Variants in SUMF1 observed in about 807,000 individuals in gnomAD.
SUMF1 encodes the protein formylglycine-generating enzyme.
In SUMF1, 48 loss-of-function variants were observed where a neutral mutation model predicts 47.6. That is an observed-to-expected ratio of 1.01 (90% confidence interval 0.80 to 1.28). The LOEUF (loss-of-function observed/expected upper bound fraction) is 1.28. SUMF1 is among the 50% of genes most tolerant of loss of function. The pLI, the probability that SUMF1 is intolerant of heterozygous loss-of-function variation, is 0.00. For missense variants in SUMF1, 571 were observed against 485.4 expected, an observed-to-expected ratio of 1.18 and a Z score of -1.66; for synonymous variants, 230 against 192.1, an observed-to-expected ratio of 1.20 and a Z score of -1.63.
At chr3:4,253,606 G>C (rs535674725) in intron 8 of SUMF1, among the ~76,000 whole-genome samples, 2 of 151,776 alleles carry the variant, frequency 1.3e-5, no homozygotes, top group Admixed American at 6.5e-5. Flanking sequence ...GGCTCAGAGG[G>C]TCCTACGCCC....
intron 8 of SUMF1, among the ~76,000 whole-genome samples, chr3:4,204,089 A>G (rs1404537953): frequency 3.3e-5 from 5 of 152,038 alleles, no homozygotes; most frequent in African/African-American, 1.2e-4. Context: ...TTGTGCCTTC[A>G]GATGATTTCT....
intron 1 of SUMF1, among the ~76,000 whole-genome samples, chr3:4,458,766 G>A (rs2079732984): frequency 1.3e-5 from 2 of 152,138 alleles, no homozygotes; most frequent in Admixed American, 1.3e-4. Context: ...TGAGGCAGGA[G>A]AATGGCGTGA....
intron 8 of SUMF1, among the ~76,000 whole-genome samples, chr3:4,366,216 A>G (rs1247426100): frequency 6.6e-6 from 1 of 151,736 alleles, no homozygotes; most frequent in Non-Finnish European, 1.5e-5. Context: ...CTTCTCGAGG[A>G]GTATCTTTGT....
chr3:4,052,146 G>C (rs1695123633), intron 9 of SUMF1, among the ~76,000 whole-genome samples: 1 of 152,084 alleles, frequency 6.6e-6, no homozygotes, highest in East Asian at 1.9e-4. Flanking sequence ...TATCTGGTAA[G>C]AGCCTGTTTC....
intron 8 of SUMF1, among the ~76,000 whole-genome samples, chr3:4,138,248 C>A (rs1246583934): frequency 6.6e-6 from 1 of 152,068 alleles, no homozygotes; most frequent in African/African-American, 2.4e-5. Context: ...CAACATAAAT[C>A]CTATCGAACT....
intron 8 of SUMF1, among the ~76,000 whole-genome samples, chr3:4,211,195 C>CATATAT (rs1244951771): frequency 1.7e-5 from 1 of 57,548 alleles, no homozygotes; most frequent in African/African-American, 7.0e-5. Flanking sequence ...TATACATATA[C>CATATAT]ATACATACAT....
intron 8 of SUMF1, among the ~76,000 whole-genome samples, chr3:4,176,883 G>C (rs1216966384): frequency 6.6e-6 from 1 of 152,158 alleles, no homozygotes; most frequent in Non-Finnish European, 1.5e-5. Flanking sequence ...AGCAGGGGTT[G>C]CAATCCTCAT....
chr3:4,464,599 G>GA (rs577713203), intron 1 of SUMF1, among the ~76,000 whole-genome samples: 105 of 152,214 alleles, frequency 6.9e-4, no homozygotes, highest in African/African-American at 2.5e-3. Context: ...ACAAAGAGGG[G>GA]AAAAAAGGCA....
chr3:4,035,258 G>C (rs1249570479), intron 9 of SUMF1, among the ~76,000 whole-genome samples: 1 of 152,148 alleles, frequency 6.6e-6, no homozygotes, highest in African/African-American at 2.4e-5. Flanking sequence ...CAGATCTGGA[G>C]GCTGGAAGTC....
chr3:4,460,100 C>T (rs571362400), intron 1 of SUMF1, among the ~76,000 whole-genome samples: 8 of 152,234 alleles, frequency 5.3e-5, no homozygotes, highest in African/African-American at 1.7e-4. Context: ...TGATGAGCTA[C>T]AAGAACAAAG....
intron 8 of SUMF1, among the ~76,000 whole-genome samples, chr3:4,228,126 G>T (rs1696214446): frequency 6.6e-6 from 1 of 151,960 alleles, no homozygotes; most frequent in African/African-American, 2.4e-5. Context: ...GGTAGTTGGG[G>T]TTGGACCATG....
chr3:4,078,781 A>G (rs1165952799), intron 8 of SUMF1, among the ~76,000 whole-genome samples: 2 of 152,038 alleles, frequency 1.3e-5, no homozygotes, highest in Admixed American at 1.3e-4. Context: ...AATCCATACA[A>G]CAACCTATGA....
chr3:4,418,800 C>T (rs777439874), intron 4 of SUMF1, among the ~76,000 whole-genome samples: 27 of 152,064 alleles, frequency 1.8e-4, no homozygotes, highest in African/African-American at 5.6e-4. Context: ...TACAAGAGGC[C>T]GGTCTTTTTT....
At chr3:4,463,030 C>G (rs1430650572) in intron 1 of SUMF1, among the ~76,000 whole-genome samples, 2 of 152,226 alleles carry the variant, frequency 1.3e-5, no homozygotes, top group East Asian at 3.8e-4. Context: ...ATGTGACCTT[C>G]TCTATTCCCA....
chr3:4,413,650 A>C (rs988802597), intron 6 of SUMF1, among the ~76,000 whole-genome samples: 6 of 152,036 alleles, frequency 3.9e-5, no homozygotes, highest in African/African-American at 1.4e-4. Flanking sequence ...CGTTAAAGCC[A>C]AAATTAATCA....
rs1553610079 is a variant in SUMF1, at chr3:4,217,522, A to ATATAT, written c.1015-148782_1015-148778dup. Among the ~76,000 whole-genome samples the ATATAT allele has an allele frequency of 8.4e-3, 591 of 70,374 alleles. 12 individuals carry two copies. The highest frequency in any genetic ancestry group is 0.015 in the African/African-American group (235 of 16,094). 46.2% of individuals were successfully genotyped at this position (70,374 alleles called of 152,430 possible). Reference sequence around the variant, plus strand: ...AGAACTTAAAGTATTTTTTATATATATATATATATATATATATGAAGAAAA... The same window carrying ATATAT: ...AGAACTTAAAGTATTTTTTATATATATATATTATATATATATATATATGAAGAAAA... On this transcript the variant is annotated intron_variant and NMD_transcript_variant, in intron 8 of 12. Transcript: ENST00000448413.
intron 8 of SUMF1, among the ~76,000 whole-genome samples, chr3:4,083,269 C>T (rs1305327665): frequency 6.6e-6 from 1 of 152,132 alleles, no homozygotes; most frequent in Admixed American, 6.5e-5. Flanking sequence ...GTCTGCCTAC[C>T]CTTTAAACAT....
At chr3:4,413,248 C>G (rs1701602348) in intron 6 of SUMF1, among the ~76,000 whole-genome samples, 1 of 152,038 alleles carries the variant, frequency 6.6e-6, no homozygotes, top group African/African-American at 2.4e-5. Context: ...TCAAACAAAC[C>G]TCTTGTCTCA....
At chr3:4,060,588 C>T (rs146265384) in intron 9 of SUMF1, among the ~76,000 whole-genome samples, 1 of 152,280 alleles carries the variant, frequency 6.6e-6, no homozygotes, top group East Asian at 1.9e-4. Flanking sequence ...CATTCAAACA[C>T]ATTTTGAAGC....
Sources: allele counts gnomAD v4.1 joint callset (sites outside exome capture counted in the v4.1 genomes callset), GRCh38; gene constraint gnomAD v4.1.1; transcripts MANE v1.5; gene names NCBI Gene and HGNC (gene_info 2026-07-23, HGNC 2026-07-21).